Variants in NCOA2 observed in about 807,000 individuals in gnomAD.
The protein encoded by NCOA2 is class E basic helix-loop-helix protein 75.
Under a neutral mutation model 145.1 loss-of-function variants are expected in NCOA2, and 21 were observed. That is an observed-to-expected ratio of 0.14 (90% CI 0.10 to 0.21). The LOEUF (loss-of-function observed/expected upper bound fraction) is 0.21. NCOA2 is among the 10% of genes least tolerant of loss of function. The pLI, the probability that NCOA2 is intolerant of heterozygous loss-of-function variation, is 1.00. For synonymous variants in NCOA2, 619 were observed against 637.5 expected (o/e 0.97, Z 0.44); for missense variants, 1,472 against 1,837.6 (o/e 0.80, Z 3.64).
chr8:70,278,879 T>C (rs1261787502), intron 2 of NCOA2, among the ~76,000 whole-genome samples: 1 of 151,870 alleles, frequency 6.6e-6, no homozygotes, highest in Non-Finnish European at 1.5e-5. Context: ...GGCATGAGAA[T>C]TGCTTGAACC....
At chr8:70,164,216 CTAATCACT>C (rs377719599) in intron 7 of NCOA2, among the ~76,000 whole-genome samples, 2 of 152,284 alleles carry the variant, frequency 1.3e-5, no homozygotes, top group African/African-American at 4.8e-5. Context: ...ACAGCCAATT[CTAATCACT>C]TAATCCTCAC....
chr8:70,404,111 T>C (rs1289767364), upstream of NCOA2, among the ~76,000 whole-genome samples: 1 of 152,050 alleles, frequency 6.6e-6, no homozygotes, highest in Non-Finnish European at 1.5e-5. Context: ...AGCATCTCCG[T>C]CGGCAGAGTC....
At position 70,198,960 on chromosome 8, in the gene NCOA2, G is replaced by C. The variant is rs114528446; in HGVS notation, c.259+14943C>G. 9.4e-3 allele frequency among the ~76,000 whole-genome samples: 1,434 copies of C among 152,280 alleles called. 23 individuals carry two copies. Among genetic ancestry groups the C allele is most frequent in the African/African-American group, 0.032 (1,336 of 41,550 alleles). On this transcript the variant is annotated intron_variant, in intron 4 of 22. Coordinates refer to ENST00000452400, the MANE Select transcript of NCOA2 (RefSeq NM_006540.4). ...ATGAAACTGTAAGACGGGGGCTGTG[G>C]GGAGGGACTCACCGAGTATCTGTGC...
chr8:70,454,848 G>A, the NCOA2 span, among the ~76,000 whole-genome samples: 2 of 152,152 alleles, frequency 1.3e-5, no homozygotes, highest in Admixed American at 1.3e-4. Flanking sequence ...TGTTTCAGGT[G>A]TTTTTAGATA....
At chr8:70,286,539 GAAACAGCATGA>G (rs1826245177) in intron 2 of NCOA2, among the ~76,000 whole-genome samples, 1 of 152,154 alleles carries the variant, frequency 6.6e-6, no homozygotes, top group South Asian at 2.1e-4. Flanking sequence ...AGTGATTTAA[GAAACAGCATGA>G]ATTGCTCAAA....
At chr8:70,280,649 G>A (rs968691431) in intron 2 of NCOA2, among the ~76,000 whole-genome samples, 1 of 152,110 alleles carries the variant, frequency 6.6e-6, no homozygotes, top group Non-Finnish European at 1.5e-5. Context: ...GACAGGAGAA[G>A]ATACTGAAAT....
At chr8:70,406,298 TAGAA>T (rs1228722873), upstream of NCOA2, among the ~76,000 whole-genome samples, 7 of 152,224 alleles carry the variant, frequency 4.6e-5, no homozygotes, top group African/African-American at 7.2e-5. Flanking sequence ...CTTCCATACT[TAGAA>T]AGAACTTTGA....
At chr8:70,419,066 A>AT in the NCOA2 span, among the ~76,000 whole-genome samples, 10 of 151,568 alleles carry the variant, frequency 6.6e-5, no homozygotes, top group East Asian at 9.7e-4. Flanking sequence ...TAATTTCAAG[A>AT]TTTTTTATAG....
chr8:70,179,160 TG>T (rs1299728965), intron 4 of NCOA2, among the ~76,000 whole-genome samples: 5 of 152,212 alleles, frequency 3.3e-5, no homozygotes, highest in African/African-American at 7.2e-5. Context: ...CTCACAAGAA[TG>T]AAACATATGT....
intron 2 of NCOA2, among the ~76,000 whole-genome samples, chr8:70,236,459 T>C (rs925260065): frequency 1.3e-5 from 2 of 152,092 alleles, no homozygotes; most frequent in African/African-American, 4.8e-5. Context: ...TACCAGCTCT[T>C]ACCTAAGTTC....
intron 6 of NCOA2, 43 bp downstream of exon 6, chr8:70,170,159 G>A (rs557602815): frequency 1.3e-6 from 2 of 1,573,970 alleles, no homozygotes; most frequent in Non-Finnish European, 1.7e-6. Context: ...CAGGGCAGGT[G>A]GGGGTGACGG....
chr8:70,291,512 A>G (rs1483131580), intron 2 of NCOA2, among the ~76,000 whole-genome samples: 1 of 151,630 alleles, frequency 6.6e-6, no homozygotes, highest in Non-Finnish European at 1.5e-5. Context: ...GTGCATTCTG[A>G]AAAAAAAATT....
intron 1 of NCOA2, among the ~76,000 whole-genome samples, chr8:70,319,203 T>C (rs540530667): frequency 6.6e-6 from 1 of 152,272 alleles, no homozygotes; most frequent in Non-Finnish European, 1.5e-5. Context: ...TGTATGTCTA[T>C]TATGCATGTT....
At chr8:70,272,170 T>C (rs918706245) in intron 2 of NCOA2, among the ~76,000 whole-genome samples, 2 of 152,250 alleles carry the variant, frequency 1.3e-5, no homozygotes, top group Admixed American at 6.5e-5. Flanking sequence ...TGTGGGATCC[T>C]TGAAACATCA....
intron 1 of NCOA2, among the ~76,000 whole-genome samples, chr8:70,385,001 A>C (rs1460176015): frequency 2.0e-5 from 3 of 152,246 alleles, no homozygotes; most frequent in Non-Finnish European, 4.4e-5. Context: ...TTAGAAAATA[A>C]TTCATAATGT....
chr8:70,304,030 T>C (rs1827692804), intron 1 of NCOA2, among the ~76,000 whole-genome samples: 1 of 152,162 alleles, frequency 6.6e-6, no homozygotes, highest in African/African-American at 2.4e-5. Context: ...CTTAGCTTTT[T>C]TCCCCTAATT....
intron 15 of NCOA2, among the ~76,000 whole-genome samples, chr8:70,133,071 GGT>G (rs148660851): frequency 1.9e-3 from 287 of 148,208 alleles, no homozygotes; most frequent in African/African-American, 3.6e-3. Context: ...GTAGAGGAGG[GGT>G]GTGTGTGTGT....
chr8:70,120,382 TAC>T (rs1233220511), intron 22 of NCOA2, among the ~76,000 whole-genome samples: 1 of 152,090 alleles, frequency 6.6e-6, no homozygotes, highest in African/African-American at 2.4e-5. Context: ...CTAATTATTC[TAC>T]AGTTTCATTG....
At chr8:70,203,619 A>G in intron 4 of NCOA2, among the ~76,000 whole-genome samples, 1 of 152,110 alleles carries the variant, frequency 6.6e-6, no homozygotes. Context: ...AGAAAAACCT[A>G]CTTTAAACCT....
Sources: allele counts gnomAD v4.1 joint callset (sites outside exome capture counted in the v4.1 genomes callset), GRCh38; gene constraint gnomAD v4.1.1; transcripts MANE v1.5; gene names NCBI Gene and HGNC (gene_info 2026-07-23, HGNC 2026-07-21).